SPTLC2: variants seen among roughly 807,000 people sequenced by gnomAD.
SPTLC2 encodes the protein serine palmitoyltransferase long chain base subunit 2, also known as serine palmitoyltransferase 2.
In SPTLC2, 21 loss-of-function variants were observed where a neutral mutation model predicts 62.0. That is an observed-to-expected ratio of 0.34 (90% CI 0.24 to 0.49). The LOEUF is 0.49. Ranked by LOEUF, SPTLC2 falls within the 20% of genes least tolerant of loss-of-function variation. SPTLC2 has a pLI of 0.99. For synonymous variants in SPTLC2, 261 were observed against 261.8 expected (o/e 1.00, Z 0.03); for missense variants, 511 against 713.0 (o/e 0.72, Z 3.23).
intron 9 of SPTLC2, among the ~76,000 whole-genome samples, chr14:77,548,615 T>G (rs1170123784): frequency 6.6e-6 from 1 of 152,204 alleles, no homozygotes; most frequent in Non-Finnish European, 1.5e-5. Context: ...GTATTCCCAC[T>G]CCAGGTACAG....
chr14:77,555,705 TC>T (rs2079579823), intron 7 of SPTLC2, among the ~76,000 whole-genome samples, 186 bp from the exon 8 acceptor site: 1 of 151,986 alleles, frequency 6.6e-6, no homozygotes. Flanking sequence ...AATCCCTGAC[TC>T]CTGGGTTCAA....
chr14:77,507,796 A>C lies in SPTLC2; in HGVS notation c.*4488T>G, dbSNP rs2079313062. 6.6e-6 allele frequency: 1 copy of C among 152,236 alleles called. No homozygotes were observed. Among genetic ancestry groups the C allele is most frequent in the Non-Finnish European group, 1.5e-5 (1 of 68,046 alleles). The allele number at this position is 152,236 out of a possible 1,614,324, so 9.4% of individuals were successfully genotyped here. A position where few individuals can be genotyped will look rare whatever the true frequency, so the allele number is the denominator to read the frequency against. ...ATCTGTAGGTTCTGGGACTGAAAAAAAAAATCCCTGTAAGTTCTTGGCTTA... is the reference window on the plus strand; with the variant it reads ...ATCTGTAGGTTCTGGGACTGAAAAACAAAATCCCTGTAAGTTCTTGGCTTA... On this transcript the variant is annotated 3_prime_UTR_variant, in exon 12 of 12. Transcript: ENST00000216484.
intron 9 of SPTLC2, among the ~76,000 whole-genome samples, chr14:77,536,985 C>T (rs56361144): frequency 0.12 from 17,943 of 150,934 alleles, 1,337 homozygotes; most frequent in African/African-American, 0.22. Context: ...TGCAATGGTG[C>T]AATCTTGGCT....
At chr14:77,514,887 G>A (rs1021494704) in intron 11 of SPTLC2, among the ~76,000 whole-genome samples, 9 of 152,264 alleles carry the variant, frequency 5.9e-5, no homozygotes, top group South Asian at 2.1e-4. Context: ...CTTATAAATG[G>A]AATTGTAAGT....
chr14:77,566,915 G>A (rs2079648521), intron 5 of SPTLC2, among the ~76,000 whole-genome samples: 2 of 152,220 alleles, frequency 1.3e-5, no homozygotes, highest in African/African-American at 2.4e-5. Context: ...ATAAGTTACT[G>A]TCTTTAACAG....
At chr14:77,544,719 T>C (rs55949800) in intron 9 of SPTLC2, among the ~76,000 whole-genome samples, 50,627 of 152,110 alleles carry the variant, frequency 0.33, 8,547 homozygotes, top group Middle Eastern at 0.39. Flanking sequence ...CAGGCTCCTC[T>C]TGGAGTCCTT....
At chr14:77,577,990 C>CA (rs2079726448) in intron 3 of SPTLC2, among the ~76,000 whole-genome samples, 3 of 151,846 alleles carry the variant, frequency 2.0e-5, no homozygotes, top group Admixed American at 6.6e-5. Flanking sequence ...ACTAAAAATA[C>CA]AAAAAGTAGC....
At chr14:77,540,593 G>A (rs2140008532) in intron 9 of SPTLC2, among the ~76,000 whole-genome samples, 1 of 152,076 alleles carries the variant, frequency 6.6e-6, no homozygotes, top group East Asian at 1.9e-4. Flanking sequence ...TCTTGCCTCA[G>A]CCTCCCGAGT....
chr14:77,580,617 G>A (rs2079744644), intron 2 of SPTLC2, among the ~76,000 whole-genome samples: 1 of 151,010 alleles, frequency 6.6e-6, no homozygotes, highest in South Asian at 2.1e-4. Context: ...CAACACTTCG[G>A]GAAGCTAAGG....
rs1325574444 is a variant in SPTLC2, at chr14:77,511,879, G to GT, written c.*404dup. 1 of 273,316 alleles carries GT rather than the reference G, an allele frequency of 3.7e-6. No individual in the cohort carries two copies. The highest frequency in any genetic ancestry group is 7.1e-6 in the Non-Finnish European group (1 of 139,880). The allele number at this position is 273,316 out of a possible 1,614,324, so 16.9% of individuals were successfully genotyped here. ...CTTGCTCCCTAGGGAGGAGGGCCAG[G>GT]TAAGTATCCAGGCTGCGGAGCCAGG... On this transcript the variant is annotated 3_prime_UTR_variant, in exon 12 of 12. Transcript: ENST00000216484.
rs145776322 is a variant in SPTLC2, at chr14:77,584,119, G to C, written c.328-5010C>G. 2.1e-3 allele frequency among the ~76,000 whole-genome samples: 325 copies of C among 152,286 alleles called. 1 individual carries two copies. The highest frequency in any genetic ancestry group is 7.7e-3 in the African/African-American group (319 of 41,574). Reference sequence around the variant, plus strand: ...AAGTAGTCTAGGGACATCTCAATAAGAAGCCAATAAATATCCTTTACTGGT... The same window carrying C: ...AAGTAGTCTAGGGACATCTCAATAACAAGCCAATAAATATCCTTTACTGGT... On this transcript the variant is annotated intron_variant, in intron 2 of 11. Coordinates refer to ENST00000216484, the MANE Select transcript of SPTLC2 (RefSeq NM_004863.4).
chr14:77,541,342 C>T (rs1207031456), intron 9 of SPTLC2, among the ~76,000 whole-genome samples: 2 of 152,102 alleles, frequency 1.3e-5, no homozygotes, highest in Non-Finnish European at 2.9e-5. Flanking sequence ...GCCCGGCCTA[C>T]AAAATTTAAA....
intron 1 of SPTLC2, among the ~76,000 whole-genome samples, chr14:77,600,347 CAG>C (rs1348907048): frequency 2.0e-5 from 3 of 152,288 alleles, no homozygotes; most frequent in Non-Finnish European, 2.9e-5. Flanking sequence ...TCTGTCAAAA[CAG>C]AGTGACTGAT....
chr14:77,546,878 C>T (rs898069539), intron 9 of SPTLC2, among the ~76,000 whole-genome samples: 5 of 152,062 alleles, frequency 3.3e-5, no homozygotes, highest in Non-Finnish European at 5.9e-5. Flanking sequence ...TACAGGCATG[C>T]GCCACCACGC....
At chr14:77,598,867 C>T (rs1325608034) in intron 1 of SPTLC2, among the ~76,000 whole-genome samples, 1 of 149,046 alleles carries the variant, frequency 6.7e-6, no homozygotes, top group Non-Finnish European at 1.5e-5. Flanking sequence ...CCCAGAAGGT[C>T]GAGATGGCAG....
intron 7 of SPTLC2, among the ~76,000 whole-genome samples, chr14:77,555,971 C>A (rs149481859): frequency 1.0e-3 from 156 of 152,098 alleles, no homozygotes; most frequent in African/African-American, 3.6e-3. Context: ...CTTAAACTGA[C>A]AAAGGTAGAT....
At chr14:77,590,706 TG>T (rs1171276347) in intron 2 of SPTLC2, among the ~76,000 whole-genome samples, 1 of 152,078 alleles carries the variant, frequency 6.6e-6, no homozygotes, top group Non-Finnish European at 1.5e-5. Context: ...AGCAAGACAC[TG>T]TCTCAAGAAA....
chr14:77,598,920 G>GAA (rs11301610), intron 1 of SPTLC2, among the ~76,000 whole-genome samples: 11 of 129,800 alleles, frequency 8.5e-5, no homozygotes, highest in Middle Eastern at 7.9e-3. Context: ...AGGTGATACA[G>GAA]AAAAAAAAAA....
At chr14:77,512,840 C>A (rs979222282) in intron 11 of SPTLC2, among the ~76,000 whole-genome samples, 3 of 151,898 alleles carry the variant, frequency 2.0e-5, no homozygotes, top group Non-Finnish European at 4.4e-5. Flanking sequence ...CACAGCCTCC[C>A]AAGTAGCTGG....
Sources: allele counts gnomAD v4.1 joint callset (sites outside exome capture counted in the v4.1 genomes callset), GRCh38; gene constraint gnomAD v4.1.1; transcripts MANE v1.5; gene names NCBI Gene and HGNC (gene_info 2026-07-23, HGNC 2026-07-21).